Variants in MECOM observed in about 807,000 individuals in gnomAD.
MECOM encodes histone-lysine N-methyltransferase MECOM.
Under a neutral mutation model 116.3 loss-of-function variants are expected in MECOM, and 13 were observed. The observed-to-expected ratio is 0.11, with a 90% CI of 0.07 to 0.18. The LOEUF (loss-of-function observed/expected upper bound fraction) is 0.18. MECOM is among the 10% of genes least tolerant of loss of function. The pLI, the probability that MECOM is intolerant of heterozygous loss-of-function variation, is 1.00. For missense variants in MECOM, 1,299 were observed against 1,509.0 expected, an observed-to-expected ratio of 0.86 and a Z score of 2.31; for synonymous variants, 528 against 535.2, an observed-to-expected ratio of 0.99 and a Z score of 0.19.
At chr3:169,193,382 C>T (rs890860448) in intron 2 of MECOM, among the ~76,000 whole-genome samples, 2 of 151,944 alleles carry the variant, frequency 1.3e-5, no homozygotes, top group Admixed American at 6.6e-5. Flanking sequence ...CACTGGAATT[C>T]GGAGTGAGCT....
chr3:169,551,070 G>A (rs937803297), intron 1 of MECOM, among the ~76,000 whole-genome samples: 1 of 94,844 alleles, frequency 1.1e-5, no homozygotes, highest in African/African-American at 3.2e-5. Context: ...TGATCCGCCC[G>A]CCTCGGCCTC....
At chr3:169,609,824 T>C (rs1377308843) in intron 1 of MECOM, among the ~76,000 whole-genome samples, 1 of 152,230 alleles carries the variant, frequency 6.6e-6, no homozygotes, top group African/African-American at 2.4e-5. Context: ...CAAGCTAGCC[T>C]ATGAAGACCT....
At chr3:169,403,224 TC>T (rs1560228647) in intron 1 of MECOM, among the ~76,000 whole-genome samples, 2 of 152,172 alleles carry the variant, frequency 1.3e-5, no homozygotes, top group Non-Finnish European at 2.9e-5. Context: ...TGTGCCTTCT[TC>T]CCCAAAGGAG....
chr3:169,203,150 G>A (rs145300827), intron 2 of MECOM, among the ~76,000 whole-genome samples: 1 of 152,246 alleles, frequency 6.6e-6, no homozygotes, highest in East Asian at 1.9e-4. Context: ...TAAAACTACA[G>A]TTTAGAACTG....
chr3:169,283,161 T>G (rs187840421), intron 2 of MECOM, among the ~76,000 whole-genome samples: 5 of 152,178 alleles, frequency 3.3e-5, no homozygotes, highest in Admixed American at 3.3e-4. Flanking sequence ...ATTACAGAAT[T>G]TAGGGAGAAA....
intron 1 of MECOM, among the ~76,000 whole-genome samples, chr3:169,502,387 C>T (rs1456735772): frequency 6.6e-6 from 1 of 152,092 alleles, no homozygotes; most frequent in Non-Finnish European, 1.5e-5. Context: ...CTTGGAGATG[C>T]CTTGACTACT....
intron 2 of MECOM, chr3:169,146,570 C>T (rs1438282807): frequency 2.2e-6 from 3 of 1,375,368 alleles, no homozygotes; most frequent in Non-Finnish European, 2.9e-6. Context: ...CGTAGATAAG[C>T]AGCAGGGCTC....
intron 2 of MECOM, among the ~76,000 whole-genome samples, chr3:169,262,052 C>T (rs376018787): frequency 1.3e-5 from 2 of 152,164 alleles, no homozygotes; most frequent in East Asian, 1.9e-4. Flanking sequence ...CCCTGTGCCA[C>T]GCCCCAATCT....
chr3:169,322,070 A>G (rs1486542166), intron 2 of MECOM, among the ~76,000 whole-genome samples: 1 of 152,024 alleles, frequency 6.6e-6, no homozygotes, highest in African/African-American at 2.4e-5. Flanking sequence ...CACATGTGGC[A>G]CCCCTTGTCA....
intron 1 of MECOM, among the ~76,000 whole-genome samples, chr3:169,609,083 T>C (rs2109804968): frequency 6.6e-6 from 1 of 152,322 alleles, no homozygotes; most frequent in African/African-American, 2.4e-5. Context: ...CAGGAATCTC[T>C]GCAGACATTA....
At chr3:169,652,591 G>A (rs1389766777) in intron 1 of MECOM, among the ~76,000 whole-genome samples, 1 of 152,172 alleles carries the variant, frequency 6.6e-6, no homozygotes, top group Non-Finnish European at 1.5e-5. Flanking sequence ...TTTGTGAAAT[G>A]ACAGATGGGG....
intron 1 of MECOM, among the ~76,000 whole-genome samples, chr3:169,585,234 G>C (rs956436644): frequency 2.0e-5 from 3 of 152,094 alleles, no homozygotes; most frequent in Admixed American, 2.0e-4. Flanking sequence ...CCAAATGTAT[G>C]GTTCTATTAT....
chr3:169,411,150 A>T (rs906930426), intron 1 of MECOM, among the ~76,000 whole-genome samples: 6 of 152,174 alleles, frequency 3.9e-5, no homozygotes, highest in Non-Finnish European at 2.9e-5. Context: ...AAACTATTAA[A>T]CTACATATAA....
intron 2 of MECOM, among the ~76,000 whole-genome samples, chr3:169,282,531 G>C (rs1263822460): frequency 6.6e-6 from 1 of 152,102 alleles, no homozygotes; most frequent in Non-Finnish European, 1.5e-5. Flanking sequence ...CTTTTATTTA[G>C]CAGCTGTAAA....
At chr3:169,101,289 A>AT in intron 11 of MECOM, among the ~76,000 whole-genome samples, 1 of 152,196 alleles carries the variant, frequency 6.6e-6, no homozygotes, top group East Asian at 1.9e-4. Context: ...AGATAAGGGG[A>AT]TAAAAATATG....
At chr3:169,087,454 TG>T (rs1718172906) in intron 16 of MECOM, among the ~76,000 whole-genome samples, 1 of 151,936 alleles carries the variant, frequency 6.6e-6, no homozygotes, top group Non-Finnish European at 1.5e-5. Context: ...AAAATTAGCC[TG>T]GCATAGTGGT....
intron 2 of MECOM, among the ~76,000 whole-genome samples, chr3:169,248,315 C>T (rs568605034): frequency 3.9e-5 from 6 of 152,222 alleles, no homozygotes; most frequent in South Asian, 4.1e-4. Context: ...GATTTGTTTT[C>T]GCTACTTCCT....
Position 169,418,500 on chromosome 3 carries a change from A to G in MECOM, c.38-36976T>C, listed in dbSNP as rs570845934. Among the ~76,000 whole-genome samples, 3 of 152,316 alleles carry G rather than the reference A, an allele frequency of 2.0e-5. No individual in the cohort carries two copies. The East Asian group carries it at 5.8e-4, about 29-fold the overall frequency. On this transcript the variant is annotated intron_variant, in intron 1 of 16. Transcript: ENST00000651503. ...ATGAACATCAATGCGAATATCCTCA[A>G]TAAAATACTAAACCGAATCTAGCAG...
At chr3:169,295,598 G>GTTT (rs1240777812) in intron 2 of MECOM, among the ~76,000 whole-genome samples, 1 of 152,080 alleles carries the variant, frequency 6.6e-6, no homozygotes, top group East Asian at 1.9e-4. Context: ...ATTGCAAGAA[G>GTTT]GTAAAATAAA....
Sources: gnomAD v4.1 joint callset for allele counts (sites outside exome capture counted in the v4.1 genomes callset) on GRCh38, gnomAD v4.1.1 for gene constraint, MANE v1.5 for transcripts, NCBI Gene and HGNC (gene_info 2026-07-23, HGNC 2026-07-21) for gene names.